STAC: variants seen among roughly 807,000 people sequenced by gnomAD.
STAC encodes SH3 and cysteine rich domain.
In STAC, 43 loss-of-function variants were observed where a neutral mutation model predicts 48.8. That is an observed-to-expected ratio of 0.88 (90% confidence interval 0.69 to 1.14). The LOEUF (loss-of-function observed/expected upper bound fraction) is 1.14, where lower values mean the gene tolerates loss of function less well. Ranked by LOEUF, STAC falls within the 50% of genes most tolerant of loss-of-function variation. The pLI is 0.00. For synonymous variants in STAC, 193 were observed against 179.5 expected, an observed-to-expected ratio of 1.07 and a Z score of -0.60; for missense variants, 497 against 504.0, an observed-to-expected ratio of 0.99 and a Z score of 0.13.
chr3:36,510,926 T>C lies in STAC; in HGVS notation c.920+5092T>C, dbSNP rs1464299944. On this transcript the variant is annotated intron_variant, in intron 8 of 10. Transcript: ENST00000273183. The stretch of plus-strand genomic sequence containing the variant: ...ATCTATGTAACAAACCTGCACGTTC[T>C]GCACATGTATCCCAGAACTTAAAGT... Among the ~76,000 whole-genome samples, 4 of 152,108 alleles carry C rather than the reference T, an allele frequency of 2.6e-5. No homozygotes were observed. The East Asian group carries it at 7.7e-4, about 29-fold the overall frequency.
At chr3:36,544,758 T>G (rs1358209388) in intron 10 of STAC, among the ~76,000 whole-genome samples, 1 of 152,226 alleles carries the variant, frequency 6.6e-6, no homozygotes, top group Admixed American at 6.5e-5. Context: ...TTTGAAGTCA[T>G]GTCAAGGGAC....
chr3:36,528,897 G>C lies in STAC; in HGVS notation c.1022G>C (p.Arg341Thr), dbSNP rs1345170724. 6.2e-7 allele frequency: 1 copy of C among 1,613,710 alleles called. No individual in the cohort carries two copies. Among genetic ancestry groups the C allele is most frequent in the Middle Eastern group, 1.7e-4 (1 of 6,060 alleles). ...TTCTTTCCAGCCAACTTTGTTCAGA[G>C]ACTACAACAAAATGAGAAGATTTTT... The part of the protein sequence containing the change: ...IGFFPANFVQ[R>T]LQQNEKIFRC... Residue 341 changes from arginine to threonine, a missense_variant, in exon 10 of 11, where the codon AGA (arginine) becomes ACA (threonine). Transcript: ENST00000273183.
chr3:36,466,942 C>T (rs1697194948), intron 2 of STAC, among the ~76,000 whole-genome samples: 1 of 151,844 alleles, frequency 6.6e-6, no homozygotes, highest in Non-Finnish European at 1.5e-5. Context: ...GGGGGGAATG[C>T]TTTCAACTTT....
Position 36,445,231 on chromosome 3 carries a change from A to G in STAC, c.388+1591A>G, listed in dbSNP as rs933957618. On this transcript the variant is annotated intron_variant, in intron 2 of 10. Coordinates refer to ENST00000273183, the MANE Select transcript of STAC (RefSeq NM_003149.3). ...ATCTCAAGTACAACAACAATTTTGA[A>G]AGACTCTATTTTGAATATCACTAAA... is the stretch of plus-strand genomic sequence containing the variant. 1.2e-4 allele frequency among the ~76,000 whole-genome samples: 19 copies of G among 152,340 alleles called. No individual in the cohort carries two copies. The South Asian group carries it at 3.7e-3, about 30-fold the overall frequency.
At chr3:36,394,017 C>A (rs987839292) in intron 1 of STAC, among the ~76,000 whole-genome samples, 1 of 151,964 alleles carries the variant, frequency 6.6e-6, no homozygotes, top group Non-Finnish European at 1.5e-5. Context: ...AGAGGTGGAA[C>A]AGGCTTGCAT....
chr3:36,479,822 A>C (rs969674814), intron 2 of STAC, among the ~76,000 whole-genome samples: 1 of 152,244 alleles, frequency 6.6e-6, no homozygotes, highest in Admixed American at 6.5e-5. Context: ...ACTAGTGATA[A>C]AACAAGTCAG....
intron 1 of STAC, among the ~76,000 whole-genome samples, chr3:36,381,207 C>T (rs1298115401): frequency 2.0e-5 from 3 of 152,042 alleles, no homozygotes; most frequent in African/African-American, 7.3e-5. Context: ...CAGGGATCAC[C>T]CCTACCTTCA....
At chr3:36,518,376 T>C (rs1016859792) in intron 8 of STAC, among the ~76,000 whole-genome samples, 2 of 151,758 alleles carry the variant, frequency 1.3e-5, no homozygotes, top group African/African-American at 4.8e-5. Flanking sequence ...TTAGCTCTCC[T>C]CAAACAGATT....
chr3:36,392,118 G>T (rs1699761791), intron 1 of STAC, among the ~76,000 whole-genome samples: 1 of 152,080 alleles, frequency 6.6e-6, no homozygotes, highest in African/African-American at 2.4e-5. Context: ...CACTTTCCCA[G>T]TGATGTCAAT....
At chr3:36,490,740 A>T (rs1239125318) in intron 5 of STAC, among the ~76,000 whole-genome samples, 1 of 152,208 alleles carries the variant, frequency 6.6e-6, no homozygotes, top group Non-Finnish European at 1.5e-5. Context: ...TCCTCATTTG[A>T]GGCTGATGCT....
chr3:36,413,023 C>T (rs1481528374), intron 1 of STAC, among the ~76,000 whole-genome samples: 1 of 152,130 alleles, frequency 6.6e-6, no homozygotes, highest in Non-Finnish European at 1.5e-5. Context: ...AGTTTGATTG[C>T]ACTGTGGTCT....
At chr3:36,463,547 A>G (rs996606533) in intron 2 of STAC, among the ~76,000 whole-genome samples, 4 of 150,504 alleles carry the variant, frequency 2.7e-5, no homozygotes, top group Non-Finnish European at 5.9e-5. Flanking sequence ...TTTCGGGTAC[A>G]TGTATGTGCA....
intron 8 of STAC, among the ~76,000 whole-genome samples, chr3:36,515,975 C>CTTTTTTTT (rs1203330014): frequency 1.6e-5 from 1 of 61,452 alleles, no homozygotes; most frequent in African/African-American, 7.1e-5. Context: ...CATTTTTCTC[C>CTTTTTTTT]TTTTTTTTTT....
At position 36,546,231 on chromosome 3, in the gene STAC, G is replaced by A. The variant is rs757761358; in HGVS notation, c.1151G>A (p.Arg384Lys). The change falls in exon 11 of 11, where the codon AGA (arginine) becomes AAA (lysine). Residue 384 changes from arginine (R) to lysine (K), a missense_variant. By Grantham distance (26) the Arg-to-Lys change is conservative. Coordinates refer to ENST00000273183, the MANE Select transcript of STAC (RefSeq NM_003149.3). The stretch of plus-strand genomic sequence containing the variant: ...GAAGAAGAACAAGATGGTTTTATCA[G>A]AGTCCTCAGTGGAAAAAAGAAAGGC... Reference protein sequence around the residue: ...SSEEEQDGFIRVLSGKKKGLI... With the variant: ...SSEEEQDGFIKVLSGKKKGLI... 2 of 1,614,076 alleles carry A rather than the reference G, an allele frequency of 1.2e-6. No individual in the cohort carries two copies. The highest frequency in any genetic ancestry group is 1.7e-6 in the Non-Finnish European group (2 of 1,179,962).
At chr3:36,540,571 T>A (rs1306353118) in intron 10 of STAC, among the ~76,000 whole-genome samples, 2 of 152,008 alleles carry the variant, frequency 1.3e-5, no homozygotes, top group African/African-American at 4.8e-5. Flanking sequence ...TGAGAAAGAC[T>A]CAGCCTACCA....
intron 10 of STAC, among the ~76,000 whole-genome samples, chr3:36,536,823 AT>A (rs1301601219): frequency 6.6e-6 from 1 of 151,938 alleles, no homozygotes; most frequent in Non-Finnish European, 1.5e-5. Flanking sequence ...ACTTAAACAA[AT>A]TTACAAAAAA....
intron 8 of STAC, among the ~76,000 whole-genome samples, chr3:36,513,989 G>GA (rs1698605438): frequency 6.6e-6 from 1 of 151,996 alleles, no homozygotes; most frequent in African/African-American, 2.4e-5. Context: ...CATGAATCCT[G>GA]AAAAAGTTAC....
intron 1 of STAC, among the ~76,000 whole-genome samples, chr3:36,398,544 AAAG>A (rs1486648459): frequency 5.5e-4 from 18 of 32,732 alleles, no homozygotes; most frequent in South Asian, 1.3e-3. Context: ...AAAGAGAGGT[AAAG>A]AGAAAGAGAG....
At chr3:36,497,041 A>G (rs982012100) in intron 6 of STAC, among the ~76,000 whole-genome samples, 3 of 152,188 alleles carry the variant, frequency 2.0e-5, no homozygotes, top group Admixed American at 2.0e-4. Context: ...AAAAAAGGCA[A>G]GCTCAGATCT....
Sources: gnomAD v4.1 joint callset for allele counts (sites outside exome capture counted in the v4.1 genomes callset) on GRCh38, gnomAD v4.1.1 for gene constraint, MANE v1.5 for transcripts, NCBI Gene and HGNC (gene_info 2026-07-23, HGNC 2026-07-21) for gene names.